Variants in TRIP11 observed in about 807,000 individuals in gnomAD.
TRIP11 encodes the protein thyroid receptor-interacting protein 11.
In TRIP11, 148 loss-of-function variants were observed where a neutral mutation model predicts 223.1. The ratio of observed to expected loss-of-function variants is 0.66; its 90% CI spans 0.58 to 0.76. The LOEUF is 0.76. Ranked by LOEUF, TRIP11 falls within the 30% of genes least tolerant of loss-of-function variation. The pLI is 0.00. For missense variants in TRIP11, 2,043 were observed against 2,222.0 expected, an observed-to-expected ratio of 0.92 and a Z score of 1.62; for synonymous variants, 762 against 772.6, an observed-to-expected ratio of 0.99 and a Z score of 0.23.
Position 91,981,010 on chromosome 14 carries a change from A to ATTTTT in TRIP11, c.5261-4822_5261-4821insAAAAA, listed in dbSNP as rs1444189118. Among the ~76,000 whole-genome samples the ATTTTT allele has an allele frequency of 3.9e-3, 217 of 55,792 alleles. 3 individuals carry two copies. The highest frequency in any genetic ancestry group is 5.1e-3 in the African/African-American group (75 of 14,764). 36.6% of individuals were successfully genotyped at this position (55,792 alleles called of 152,430 possible). A position where few individuals can be genotyped will look rare whatever the true frequency, so the allele number is the denominator to read the frequency against. On this transcript the variant is annotated intron_variant, in intron 16 of 20. Coordinates refer to ENST00000267622, the MANE Select transcript of TRIP11 (RefSeq NM_004239.4). ...GTATATTATATATATATATATATAT[A>ATTTTT]TATTTTTTTTTTTTTTTTTTTTTTT...
intron 14 of TRIP11, 34 bp from the exon 15 acceptor site, chr14:91,993,946 G>GCAAT (rs774547050): frequency 6.6e-7 from 1 of 1,509,406 alleles, no homozygotes; most frequent in Non-Finnish European, 9.2e-7. Flanking sequence ...TTAGTATTTT[G>GCAAT]CAATCGTGTG....
intron 11 of TRIP11, among the ~76,000 whole-genome samples, chr14:92,001,479 T>C (rs959116115): frequency 6.6e-6 from 1 of 151,976 alleles, no homozygotes; most frequent in Admixed American, 6.5e-5. Context: ...TAAAAAAAGA[T>C]GTTACTCATT....
chr14:92,011,699 T>C, intron 8 of TRIP11, 56 bp downstream of exon 8: 3 of 1,425,212 alleles, frequency 2.1e-6, no homozygotes, highest in Admixed American at 3.4e-5. Context: ...TCTCACTTGG[T>C]ATAGGATCTG....
At chr14:92,002,011 T>C (rs1236992539) in intron 11 of TRIP11, among the ~76,000 whole-genome samples, 1 of 152,208 alleles carries the variant, frequency 6.6e-6, no homozygotes, top group East Asian at 1.9e-4. Flanking sequence ...TGAATCACTT[T>C]GTATCTTATG....
intron 14 of TRIP11, 128 bp from the exon 15 acceptor site, chr14:91,994,040 C>T (rs2056716033): frequency 4.2e-6 from 3 of 712,864 alleles, no homozygotes; most frequent in Non-Finnish European, 7.3e-6. Flanking sequence ...GAATATATGC[C>T]TTAGTGATAA....
chr14:92,033,310 T>C (rs999113908), intron 1 of TRIP11, 57 bp from the exon 2 acceptor site: 11 of 1,340,542 alleles, frequency 8.2e-6, no homozygotes, highest in Non-Finnish European at 1.1e-5. Context: ...AAGTAATAAA[T>C]AGGTATTTTC....
At chr14:91,971,890 C>A (rs74071669) in intron 20 of TRIP11, among the ~76,000 whole-genome samples, 2,013 of 152,104 alleles carry the variant, frequency 0.013, 29 homozygotes, top group African/African-American at 0.045. Context: ...AATATAAATT[C>A]TTTATTATTT....
chr14:91,984,757 T>C (rs1002497033), intron 16 of TRIP11, among the ~76,000 whole-genome samples: 4 of 152,178 alleles, frequency 2.6e-5, no homozygotes, highest in African/African-American at 9.7e-5. Flanking sequence ...TTCTCATCAA[T>C]AGCAATTCCA....
chr14:92,014,718 TA>T (rs1282009595), intron 6 of TRIP11, 141 bp from the exon 7 acceptor site: 4 of 869,138 alleles, frequency 4.6e-6, no homozygotes, highest in Non-Finnish European at 6.6e-6. Flanking sequence ...CTAAGTGTTT[TA>T]AAATAAATAA....
intron 1 of TRIP11, among the ~76,000 whole-genome samples, chr14:92,036,314 C>T (rs553902672): frequency 2.4e-4 from 37 of 152,226 alleles, no homozygotes; most frequent in South Asian, 1.9e-3. Context: ...TCAATAAGGG[C>T]AAATATGACA....
Position 92,014,320 on chromosome 14 carries a change from G to A in TRIP11, c.1081C>T (p.Gln361Ter), listed in dbSNP as rs2057009434. The A allele has an allele frequency of 6.2e-7, 1 of 1,614,004 alleles. No homozygotes were observed. The highest frequency in any genetic ancestry group is 8.5e-7 in the Non-Finnish European group (1 of 1,179,990). Reference protein sequence around the residue: ...ENLKLECSKLQPSAVKQSDTM... With the variant: ...ENLKLECSKL The stretch of plus-strand genomic sequence containing the variant: ...TCACTTTGCTTCACAGCAGAAGGCT[G>A]CAATTTACTACATTCCAATTTCAAG... The change falls in exon 7 of 21, where the codon CAG (glutamine) becomes TAG (stop). Residue 361 changes from glutamine (Q) to a stop codon, truncating the protein, a stop_gained. Transcript: ENST00000267622. LOFTEE classifies it high-confidence loss of function.
chr14:91,997,316 A>C (rs2056763224), intron 13 of TRIP11, among the ~76,000 whole-genome samples: 1 of 152,146 alleles, frequency 6.6e-6, no homozygotes, highest in Non-Finnish European at 1.5e-5. Flanking sequence ...ACTCTGTGTA[A>C]TATATGCTAT....
chr14:92,022,487 C>G (rs942619325), intron 3 of TRIP11, among the ~76,000 whole-genome samples: 4 of 152,202 alleles, frequency 2.6e-5, no homozygotes, highest in Non-Finnish European at 4.4e-5. Context: ...CAGCGAAAAT[C>G]TGACCTATTT....
chr14:92,006,869 T>C (rs531725922), intron 10 of TRIP11, among the ~76,000 whole-genome samples: 2 of 151,876 alleles, frequency 1.3e-5, no homozygotes, highest in Non-Finnish European at 2.9e-5. Context: ...GGTTTCTCCA[T>C]GTTGGTCAGG....
intron 5 of TRIP11, among the ~76,000 whole-genome samples, chr14:92,016,376 T>C (rs2057035658): frequency 6.6e-6 from 1 of 152,158 alleles, no homozygotes; most frequent in Admixed American, 6.5e-5. Context: ...CTAGGGAAAC[T>C]GGTTTGACGG....
chr14:92,035,412 T>C (rs916734359), intron 1 of TRIP11, among the ~76,000 whole-genome samples: 2 of 151,778 alleles, frequency 1.3e-5, no homozygotes, highest in African/African-American at 4.8e-5. Flanking sequence ...CTCTTTAATA[T>C]AAAAATAACT....
At chr14:91,984,075 T>C (rs74073604) in intron 16 of TRIP11, among the ~76,000 whole-genome samples, 3,621 of 152,160 alleles carry the variant, frequency 0.024, 133 homozygotes, top group African/African-American at 0.074. Flanking sequence ...TTAGGAGACT[T>C]TTAAAAGTAG....
intron 16 of TRIP11, 144 bp downstream of exon 16, chr14:91,988,140 A>T (rs2056625256): frequency 1.5e-6 from 1 of 675,790 alleles, no homozygotes; most frequent in Non-Finnish European, 2.6e-6. Context: ...CTTAAATTGA[A>T]GCAAGTCAGT....
At chr14:91,987,318 A>T (rs188797788) in intron 16 of TRIP11, among the ~76,000 whole-genome samples, 15 of 152,078 alleles carry the variant, frequency 9.9e-5, no homozygotes, top group African/African-American at 2.9e-4. Flanking sequence ...TATTCCTAAA[A>T]ATCTCCCCTG....
Sources: gnomAD v4.1 joint callset for allele counts (sites outside exome capture counted in the v4.1 genomes callset) on GRCh38, gnomAD v4.1.1 for gene constraint, MANE v1.5 for transcripts, NCBI Gene and HGNC (gene_info 2026-07-23, HGNC 2026-07-21) for gene names.